ADCY1: variants seen among roughly 807,000 people sequenced by gnomAD.
The protein encoded by ADCY1 is adenylate cyclase type 1.
A neutral mutation model predicts 105.4 loss-of-function variants in ADCY1; 28 were observed. The ratio of observed to expected loss-of-function variants is 0.27; its 90% CI spans 0.20 to 0.36. The LOEUF is 0.36. Ranked by LOEUF, ADCY1 falls within the 10% of genes least tolerant of loss-of-function variation. The probability of loss-of-function intolerance (pLI) is 1.00; values close to 1 mark genes in which losing one functional copy is unlikely to be tolerated. For missense variants in ADCY1, 977 were observed against 1,434.2 expected (o/e 0.68, Z 5.15); for synonymous variants, 655 against 623.8 (o/e 1.05, Z -0.75).
rs2461113 is a variant in ADCY1, at chr7:45,710,050, A to C, written c.2933-478A>C. Among the ~76,000 whole-genome samples, 119,950 of 152,198 alleles carry C rather than the reference A, an allele frequency of 0.79. 48,122 individuals carry two copies. Among genetic ancestry groups the C allele is most frequent in the Middle Eastern group, 0.88 (259 of 294 alleles). On this transcript the variant is annotated intron_variant, in intron 18 of 19. Coordinates refer to ENST00000297323, the MANE Select transcript of ADCY1 (RefSeq NM_021116.4). The surrounding 1 kb of genome is among the most constrained non-coding windows in gnomAD (Gnocchi z 4.7). ...GCATTCTGCACCATCTTGCTTAGTT[A>C]TGGGGCCCATACTCTAAAATAGCCA...
chr7:45,679,209 C>A lies in ADCY1; in HGVS notation c.1899-500C>A, dbSNP rs189289846. On this transcript the variant is annotated intron_variant, in intron 10 of 19. Coordinates refer to ENST00000297323, the MANE Select transcript of ADCY1 (RefSeq NM_021116.4). Reference sequence around the variant, plus strand: ...GAAAGCACATGGAGGCCACCCCACACCTGCGGAGGAGGAGGGAGTTCAGCC... The same window carrying A: ...GAAAGCACATGGAGGCCACCCCACAACTGCGGAGGAGGAGGGAGTTCAGCC... Among the ~76,000 whole-genome samples the A allele has an allele frequency of 5.9e-3, 904 of 152,340 alleles. 3 individuals are homozygous for A. Among genetic ancestry groups the A allele is most frequent in the Non-Finnish European group, 9.5e-3 (643 of 68,038 alleles).
chr7:45,664,253 G>C, intron 8 of ADCY1: 3 of 1,528,684 alleles, frequency 2.0e-6, no homozygotes, highest in Non-Finnish European at 2.6e-6. Flanking sequence ...CAGAGAAGCT[G>C]TGTCGGACCC....
At chr7:45,628,785 C>T (rs973247998) in intron 4 of ADCY1, among the ~76,000 whole-genome samples, 14 of 152,148 alleles carry the variant, frequency 9.2e-5, no homozygotes, top group African/African-American at 2.9e-4. Flanking sequence ...GCCTGCCTTC[C>T]GATAATGCGT....
At chr7:45,601,534 T>G (rs1793240157) in intron 2 of ADCY1, among the ~76,000 whole-genome samples, 1 of 151,236 alleles carries the variant, frequency 6.6e-6, no homozygotes, top group South Asian at 2.1e-4. Context: ...TTATTGTTTG[T>G]TTTTTTTTCC....
chr7:45,700,195 C>CCCTGCCCAG (rs1006601817), intron 14 of ADCY1, among the ~76,000 whole-genome samples: 4 of 152,286 alleles, frequency 2.6e-5, no homozygotes, highest in South Asian at 4.1e-4. Context: ...GACATGTGCA[C>CCCTGCCCAG]CCTGCCCAGC....
chr7:45,655,543 A>G (rs1794913854), intron 5 of ADCY1, among the ~76,000 whole-genome samples: 2 of 152,264 alleles, frequency 1.3e-5, no homozygotes, highest in African/African-American at 2.4e-5. Flanking sequence ...AGGAGTCACT[A>G]TGAGAACAGT....
intron 1 of ADCY1, among the ~76,000 whole-genome samples, chr7:45,585,140 A>G (rs972080702): frequency 6.6e-6 from 1 of 152,206 alleles, no homozygotes; most frequent in Non-Finnish European, 1.5e-5. Flanking sequence ...TTCTTAAGAG[A>G]ATGCATTGCC....
At position 45,703,705 on chromosome 7, in the gene ADCY1, T is replaced by C; in HGVS notation, c.2677T>C (p.Cys893Arg). The change falls in exon 16 of 20, where the codon TGT (cysteine) becomes CGT (arginine). Residue 893 changes from cysteine (C) to arginine (R), a missense_variant. By Grantham distance (180) the Cys-to-Arg change is radical (BLOSUM62 -3). Transcript: ENST00000297323. The surrounding 1 kb of genome is among the most constrained non-coding windows in gnomAD (Gnocchi z 5.9). ...GGACGGCAACAACATGGGGGTGGAG[T>C]GTCTGCGGCTTCTCAACGAGATCAT... ...ELDGNNMGVE[C>R]LRLLNEIIAD... 6.2e-7 allele frequency: 1 copy of C among 1,602,336 alleles called. No homozygotes were observed. The highest frequency in any genetic ancestry group is 8.5e-7 in the Non-Finnish European group (1 of 1,173,556).
rs1229991812 is a variant in ADCY1 at position 45,686,097 on chromosome 7, G to T, written c.2209G>T (p.Gly737Cys). The T allele has an allele frequency of 6.2e-7, 1 of 1,614,090 alleles. No individual in the cohort carries two copies. Among genetic ancestry groups the T allele is most frequent in the Non-Finnish European group, 8.5e-7 (1 of 1,179,998 alleles). The change falls in exon 13 of 20, where the codon GGC becomes TGC. Residue 737 changes from glycine (G) to cysteine (C), a missense_variant. Physicochemically the swap from Gly to Cys is radical, Grantham distance 159. Transcript: ENST00000297323. The surrounding 1 kb of genome is among the most constrained non-coding windows in gnomAD (Gnocchi z 4.3). ...CCATGCCCTGCTCTGCTGCCTGGTGGGCACCCTCCCGCTAGCCATATTTTT... is the reference window on the plus strand; with the variant it reads ...CCATGCCCTGCTCTGCTGCCTGGTGTGCACCCTCCCGCTAGCCATATTTTT... ...THHALLCCLV[G>C]TLPLAIFFRV...
At chr7:45,614,278 AGTGTAGAGTTTCT>A (rs1442625272) in intron 3 of ADCY1, among the ~76,000 whole-genome samples, 1 of 152,198 alleles carries the variant, frequency 6.6e-6, no homozygotes, top group African/African-American at 2.4e-5. Flanking sequence ...AAGAAGTTAA[AGTGTAGAGTTTCT>A]GTATGTAATT....
intron 4 of ADCY1, among the ~76,000 whole-genome samples, chr7:45,624,668 C>A (rs1217277890): frequency 6.6e-6 from 1 of 152,158 alleles, no homozygotes; most frequent in Non-Finnish European, 1.5e-5. Flanking sequence ...AGCTTCTGGT[C>A]TGCAATGCCC....
intron 17 of ADCY1, among the ~76,000 whole-genome samples, chr7:45,705,579 T>C (rs1785101959): frequency 6.6e-6 from 1 of 152,168 alleles, no homozygotes; most frequent in Admixed American, 6.5e-5. Context: ...ACACCTCAGT[T>C]TGATTTAAAA....
At position 45,705,806 on chromosome 7, in the gene ADCY1, A is replaced by G. The variant is rs893659544; in HGVS notation, c.2817+1190A>G. Among the ~76,000 whole-genome samples, 109 of 152,332 alleles carry G rather than the reference A, an allele frequency of 7.2e-4. 1 individual carries two copies. The highest frequency in any genetic ancestry group is 2.5e-3 in the African/African-American group (105 of 41,576). ...ACGTAGAAAATGCAGAAGAATTAAC[A>G]ACAGCAATAACAGAAAAAAGCCCCT... On this transcript the variant is annotated intron_variant, in intron 17 of 19. Coordinates refer to ENST00000297323, the MANE Select transcript of ADCY1 (RefSeq NM_021116.4).
chr7:45,663,280 A>G (rs1214836722), intron 8 of ADCY1, among the ~76,000 whole-genome samples: 2 of 152,226 alleles, frequency 1.3e-5, no homozygotes, highest in Non-Finnish European at 2.9e-5. Context: ...GTTAGGCGTC[A>G]GGTGGGAGAG....
At chr7:45,711,739 A>G (rs1785242263) in intron 19 of ADCY1, among the ~76,000 whole-genome samples, 1 of 143,248 alleles carries the variant, frequency 7.0e-6, no homozygotes, top group Admixed American at 7.2e-5. Context: ...ATGTGTGTAT[A>G]TATACGTGTG....
At chr7:45,579,942 C>T (rs940784226) in intron 1 of ADCY1, among the ~76,000 whole-genome samples, 1 of 149,538 alleles carries the variant, frequency 6.7e-6, no homozygotes, top group African/African-American at 2.4e-5. Context: ...GGAAACTGCC[C>T]CGTCCCCCCC....
In ADCY1 at chr7:45,703,348, G is replaced by A. The variant is rs752297982; in HGVS notation, c.2455-28G>A. 1 of 1,605,114 alleles carries A rather than the reference G, an allele frequency of 6.2e-7. No individual in the cohort carries two copies. Among genetic ancestry groups the A allele is most frequent in the South Asian group, 1.1e-5 (1 of 90,898 alleles). On this transcript the variant is annotated intron_variant, in intron 14 of 19. Transcript: ENST00000297323. This position sits in a 1 kb window ranked among gnomAD's most constrained non-coding sequence, Gnocchi z 5.9. ...CAAGTGAAGGCAGCGTGAGTGGATG[G>A]GACTAATGGAGGCTCATGATACCCC...
At chr7:45,682,071 G>A (rs1479246633) in intron 11 of ADCY1, among the ~76,000 whole-genome samples, 2 of 152,152 alleles carry the variant, frequency 1.3e-5, no homozygotes, top group East Asian at 1.9e-4. Flanking sequence ...GTGAAATGGC[G>A]GTGATGATGG....
chr7:45,661,814 G>A (rs574167675), intron 7 of ADCY1, among the ~76,000 whole-genome samples: 8 of 152,292 alleles, frequency 5.3e-5, no homozygotes, highest in South Asian at 2.1e-4. Flanking sequence ...CGAGCATCAC[G>A]TAGGCTTTTA....
Sources: gnomAD v4.1 joint callset for allele counts (sites outside exome capture counted in the v4.1 genomes callset) on GRCh38, gnomAD v4.1.1 for gene constraint, Gnocchi (gnomAD v3.1) non-coding constraint, MANE v1.5 for transcripts, NCBI Gene and HGNC (gene_info 2026-07-23, HGNC 2026-07-21) for gene names.